DIAPH3: variants seen among roughly 807,000 people sequenced by gnomAD.
The protein encoded by DIAPH3 is diaphanous related formin 3.
A neutral mutation model predicts 144.3 loss-of-function variants in DIAPH3; 117 were observed. That is an observed-to-expected ratio of 0.81 (90% CI 0.70 to 0.95). The LOEUF is 0.95. Among genes scored for constraint, DIAPH3 ranks in the 40% least tolerant of loss-of-function variants. DIAPH3 has a pLI of 0.00. For missense variants in DIAPH3, 1,421 were observed against 1,412.7 expected, an observed-to-expected ratio of 1.01 and a Z score of -0.09; for synonymous variants, 519 against 488.9, an observed-to-expected ratio of 1.06 and a Z score of -0.81.
intron 25 of DIAPH3, among the ~76,000 whole-genome samples, chr13:59,791,840 C>T (rs1041767457): frequency 2.6e-5 from 4 of 152,146 alleles, no homozygotes; most frequent in Non-Finnish European, 4.4e-5. Context: ...ACCAGAAACA[C>T]TCCTCCTCCT....
intron 3 of DIAPH3, among the ~76,000 whole-genome samples, chr13:60,094,855 G>A (rs10507646): frequency 0.24 from 36,833 of 152,098 alleles, 5,430 homozygotes; most frequent in Admixed American, 0.37. Flanking sequence ...TTGACACTAC[G>A]ATAAAAGGTA....
intron 17 of DIAPH3, among the ~76,000 whole-genome samples, chr13:59,946,906 A>T (rs146757061): frequency 6.6e-6 from 1 of 152,188 alleles, no homozygotes; most frequent in African/African-American, 2.4e-5. Flanking sequence ...AGTTGCACCC[A>T]GGGGTCAACA....
chr13:59,813,731 G>A (rs2040615660), intron 24 of DIAPH3, among the ~76,000 whole-genome samples: 1 of 151,854 alleles, frequency 6.6e-6, no homozygotes, highest in African/African-American at 2.4e-5. Context: ...GCACACACCT[G>A]TAGTCCTAGC....
intron 9 of DIAPH3, among the ~76,000 whole-genome samples, chr13:60,005,681 C>T (rs1462620489): frequency 6.6e-6 from 1 of 152,022 alleles, no homozygotes; most frequent in Non-Finnish European, 1.5e-5. Context: ...CGGGGTTTCA[C>T]CATGTTAGCC....
chr13:59,901,454 T>TA (rs1481773432), intron 20 of DIAPH3, among the ~76,000 whole-genome samples: 19 of 152,184 alleles, frequency 1.2e-4, no homozygotes, highest in African/African-American at 4.3e-4. Flanking sequence ...GCTCAACTCT[T>TA]ACCTCTTCAG....
Position 59,774,700 on chromosome 13 carries a change from A to G in DIAPH3, c.3259+28T>C, listed in dbSNP as rs182834238. 5.6e-6 allele frequency: 9 copies of G among 1,595,144 alleles called. No homozygotes were observed. In the East Asian group the frequency reaches 1.8e-4, roughly 32 times the overall value. On this transcript the variant is annotated intron_variant, in intron 26 of 27. Coordinates refer to ENST00000400324, the MANE Select transcript of DIAPH3 (RefSeq NM_001042517.2). ...CTTTCTCTGTGATAGCTCCCTAGAA[A>G]GTAACATGAAACAAGTATAGGGTTC... is the stretch of plus-strand genomic sequence containing the variant.
At chr13:59,798,178 G>T (rs1333057435) in intron 25 of DIAPH3, among the ~76,000 whole-genome samples, 1 of 152,012 alleles carries the variant, frequency 6.6e-6, no homozygotes, top group Non-Finnish European at 1.5e-5. Context: ...CCTAGTTCAG[G>T]TCTTCTACAT....
intron 2 of DIAPH3, among the ~76,000 whole-genome samples, chr13:60,131,668 A>T (rs978307089): frequency 3.3e-5 from 5 of 152,136 alleles, no homozygotes; most frequent in Non-Finnish European, 7.4e-5. Flanking sequence ...TTATTTATGA[A>T]CATGACGTTT....
chr13:60,076,616 G>C (rs2057390203), intron 4 of DIAPH3, among the ~76,000 whole-genome samples: 1 of 152,100 alleles, frequency 6.6e-6, no homozygotes, highest in South Asian at 2.1e-4. Flanking sequence ...AGAGATAAAT[G>C]CCTCATCTTT....
intron 23 of DIAPH3, among the ~76,000 whole-genome samples, chr13:59,836,327 C>A (rs899239331): frequency 6.6e-6 from 1 of 151,756 alleles, no homozygotes; most frequent in Non-Finnish European, 1.5e-5. Flanking sequence ...AGTACGTACA[C>A]CTCACATATA....
chr13:59,912,579 C>A (rs2047045923), intron 19 of DIAPH3, among the ~76,000 whole-genome samples: 1 of 152,106 alleles, frequency 6.6e-6, no homozygotes, highest in South Asian at 2.1e-4. Flanking sequence ...ATTAAACAAT[C>A]CCTTGGACAA....
chr13:59,911,601 T>C, intron 20 of DIAPH3, 134 bp downstream of exon 20: 1 of 713,914 alleles, frequency 1.4e-6, no homozygotes, highest in Admixed American at 2.4e-5. Context: ...TATCCTTAAG[T>C]TAAAAAAAAG....
intron 25 of DIAPH3, among the ~76,000 whole-genome samples, chr13:59,779,571 G>T (rs143597590): frequency 0.011 from 1,744 of 151,662 alleles, 18 homozygotes; most frequent in Middle Eastern, 0.027. Context: ...GAGTGCAGTG[G>T]CATGATCTCA....
chr13:59,752,578 G>A (rs934012881), intron 27 of DIAPH3, among the ~76,000 whole-genome samples: 2 of 151,968 alleles, frequency 1.3e-5, no homozygotes, highest in African/African-American at 4.8e-5. Context: ...ATGTTGTGCA[G>A]GGCTGGTCTC....
intron 23 of DIAPH3, among the ~76,000 whole-genome samples, chr13:59,835,027 C>G (rs2041970920): frequency 6.6e-6 from 1 of 151,708 alleles, no homozygotes; most frequent in East Asian, 1.9e-4. Context: ...CATTACCAAA[C>G]CACCTACCAC....
chr13:59,935,764 T>C (rs976795862), intron 17 of DIAPH3, among the ~76,000 whole-genome samples: 2 of 152,288 alleles, frequency 1.3e-5, no homozygotes, highest in African/African-American at 2.4e-5. Context: ...GAGAAACAGA[T>C]AGGCTATTTT....
intron 21 of DIAPH3, among the ~76,000 whole-genome samples, chr13:59,872,499 T>C (rs2140009637): frequency 6.6e-6 from 1 of 152,290 alleles, no homozygotes; most frequent in South Asian, 2.1e-4. Context: ...CATTTCTTCA[T>C]CATCCTCTCC....
chr13:60,006,516 T>C (rs2052886540), intron 9 of DIAPH3, among the ~76,000 whole-genome samples: 1 of 152,198 alleles, frequency 6.6e-6, no homozygotes, highest in South Asian at 2.1e-4. Flanking sequence ...TACTCTTCAT[T>C]AATCTTCAGA....
At chr13:59,707,080 CT>C (rs2034471446) in intron 27 of DIAPH3, among the ~76,000 whole-genome samples, 1 of 152,120 alleles carries the variant, frequency 6.6e-6, no homozygotes, top group Non-Finnish European at 1.5e-5. Context: ...AGAAAACAGA[CT>C]TTAACACAAA....
Sources: allele counts gnomAD v4.1 joint callset (sites outside exome capture counted in the v4.1 genomes callset), GRCh38; gene constraint gnomAD v4.1.1; transcripts MANE v1.5; gene names NCBI Gene and HGNC (gene_info 2026-07-23, HGNC 2026-07-21).